The following CCDC120 variants were observed in gnomAD, a reference collection of about 807,000 sequenced individuals.
The protein encoded by CCDC120 is coiled-coil domain containing 120, also known as coiled-coil domain-containing protein 120.
A neutral mutation model predicts 37.6 loss-of-function variants in CCDC120; 16 were observed. The observed-to-expected ratio is 0.43, with a 90% confidence interval of 0.29 to 0.65. The LOEUF (loss-of-function observed/expected upper bound fraction) is 0.65. CCDC120 is among the 30% of genes least tolerant of loss of function. The pLI is 0.18. For missense variants in CCDC120, 650 were observed against 657.4 expected (o/e 0.99, Z 0.12); for synonymous variants, 309 against 275.4 (o/e 1.12, Z -1.21).
Position 49,068,272 on chromosome X carries a change from G to A in CCDC120, c.1976+182G>A, listed in dbSNP as rs781873733. 5 of 1,080,601 alleles carry A rather than the reference G, an allele frequency of 4.6e-6. No homozygotes were observed. In the East Asian group the frequency reaches 1.4e-4, roughly 30 times the overall value. The allele number at this position is 1,080,601 out of a possible 1,213,427, so 89.1% of individuals were successfully genotyped here. A position where few individuals can be genotyped will look rare whatever the true frequency, so the allele number is the denominator to read the frequency against. ...CATTAGTCCATGGGGTCCTGGTGGA[G>A]GGGATCTTGGGCACTGGTAGCAGCA... On this transcript the variant is annotated intron_variant, in intron 10 of 10. Coordinates refer to ENST00000603986, the MANE Select transcript of CCDC120 (RefSeq NM_001163321.4).
Position 49,068,553 on chromosome X carries a change from G to A in CCDC120, c.1986G>A (p.Ala662=), listed in dbSNP as rs1200953478. 23 of 1,139,927 alleles carry A rather than the reference G, an allele frequency of 2.0e-5. No homozygotes were observed. Among genetic ancestry groups the A allele is most frequent in the Admixed American group, 5.7e-5 (2 of 35,096 alleles). The allele number at this position is 1,139,927 out of a possible 1,213,427, so 93.9% of individuals were successfully genotyped here. Residue 662 remains alanine (A), a synonymous_variant, in exon 11 of 11, where the codon GCG becomes GCA. Transcript: ENST00000603986. ...GCTACCCCTTCTAAAGATACTACGC[G>A]GACTTCCTGTATCCCCCGGAGCTGA... ...TAPPVSGRYY[A]DFLYPPELSA... is the part of the protein sequence containing the mutation.
exon 1 of CCDC120, chrX:49,053,588 T>C (rs2064812479): frequency 8.8e-6 from 1 of 113,030 alleles, no homozygotes; most frequent in South Asian, 3.6e-4. Context: ...TAGGCTAGGC[T>C]GAGCGGCGGA....
intron 2 of CCDC120, 63 bp from the exon 3 acceptor site, chrX:49,062,172 A>T: frequency 8.5e-7 from 1 of 1,173,394 alleles, no homozygotes. Context: ...GAAGCTGGGA[A>T]GGGCTGGGGG....
chrX:49,058,416 C>T (rs2064846109), upstream of CCDC120, among the ~76,000 whole-genome samples: 1 of 112,648 alleles, frequency 8.9e-6, no homozygotes, highest in Admixed American at 9.3e-5. Context: ...CACTGCCTTG[C>T]CCTGGGAGGA....
chrX:49,061,906 G>T, intron 1 of CCDC120, 53 bp from the exon 2 acceptor site: 1 of 1,077,493 alleles, frequency 9.3e-7, no homozygotes, highest in Non-Finnish European at 1.2e-6. Flanking sequence ...TTGACTGCGT[G>T]TCCATTGTTG....
Position 49,065,832 on chromosome X carries a change from C to A in CCDC120, c.1048C>A (p.Pro350Thr). ...ATPVLTRGAG[P>T]QLCKPEGLHS... is the part of the protein sequence containing the mutation. ...CCCTGTCCTCACCCGGGGCGCTGGC[C>A]CCCAGCTCTGCAAGTAAGGGGAATC... is the stretch of plus-strand genomic sequence containing the variant. The change falls in exon 9 of 11, where the codon CCC becomes ACC. Residue 350 changes from proline to threonine, a missense_variant. By Grantham distance (38) the Pro-to-Thr change is conservative. Transcript: ENST00000603986. 3.4e-6 allele frequency: 4 copies of A among 1,165,936 alleles called. No individual in the cohort carries two copies. Among genetic ancestry groups the A allele is most frequent in the East Asian group, 3.2e-5 (1 of 30,821 alleles).
chrX:49,058,226 C>G (rs928236186), upstream of CCDC120, among the ~76,000 whole-genome samples: 1 of 111,953 alleles, frequency 8.9e-6, no homozygotes, highest in Non-Finnish European at 1.9e-5. Context: ...CAAGAGGGAT[C>G]AAAACCCATA....
Position 49,064,317 on chromosome X carries a change from C to T in CCDC120, c.430-53C>T, listed in dbSNP as rs1254814053. On this transcript the variant is annotated intron_variant, in intron 5 of 10. Coordinates refer to ENST00000603986, the MANE Select transcript of CCDC120 (RefSeq NM_001163321.4). ...GCAGGCCAGCCTCTACTGGGTTTGG[C>T]CCCGCCAGGTCCCTGTTCCTGGCCA... The T allele has an allele frequency of 7.2e-6, 8 of 1,108,453 alleles. No homozygotes were observed. In the African/African-American group the frequency reaches 9.2e-5, roughly 13 times the overall value. The allele number at this position is 1,108,453 out of a possible 1,213,427, so 91.3% of individuals were successfully genotyped here.
Position 49,068,806 on chromosome X carries a change from GC to G in CCDC120, c.*151del. 1 of 508,921 alleles carries G rather than the reference GC, an allele frequency of 2.0e-6. No individual in the cohort carries two copies. Among genetic ancestry groups the G allele is most frequent in the Non-Finnish European group, 2.8e-6 (1 of 360,127 alleles). 41.9% of individuals were successfully genotyped at this position (508,921 alleles called of 1,213,427 possible). On this transcript the variant is annotated 3_prime_UTR_variant, in exon 11 of 11. Transcript: ENST00000603986. ...TTCCAAGGCCCCTGGCTCCCCGTAGGCCCAGGAAGGTGTCTGACACCCTGCT... is the reference window on the plus strand; with the variant it reads ...TTCCAAGGCCCCTGGCTCCCCGTAGGCCAGGAAGGTGTCTGACACCCTGCT...
rs782672448 is a variant in CCDC120, at chrX:49,065,438, G to C, written c.788-16G>C. Reference sequence around the variant, plus strand: ...CCCCTCATTGAATTCTATCCCACTTGCTCTCTTCCACTCAGAGGAGCCCCA... The same window carrying C: ...CCCCTCATTGAATTCTATCCCACTTCCTCTCTTCCACTCAGAGGAGCCCCA... On this transcript the variant is annotated splice_polypyrimidine_tract_variant and intron_variant, in intron 7 of 10. Transcript: ENST00000603986. The C allele has an allele frequency of 8.5e-7, 1 of 1,170,987 alleles. No homozygotes were observed. Among genetic ancestry groups the C allele is most frequent in the Non-Finnish European group, 1.1e-6 (1 of 877,415 alleles).
intron 4 of CCDC120, among the ~76,000 whole-genome samples, chrX:49,063,156 T>C (rs1213463957): frequency 3.0e-5 from 3 of 101,238 alleles, no homozygotes; most frequent in African/African-American, 1.1e-4. Flanking sequence ...ATTGCGCCAC[T>C]GCACTCCAGC....
chrX:49,060,427 C>CAAAAAAAA lies in CCDC120; in HGVS notation c.-84+1353_-84+1360dup, dbSNP rs58827125. Among the ~76,000 whole-genome samples, 405 of 42,105 alleles carry CAAAAAAAA rather than the reference C, an allele frequency of 9.6e-3. 7 individuals carry two copies. The highest frequency in any genetic ancestry group is 0.022 in the East Asian group (13 of 585). 36.6% of individuals were successfully genotyped at this position (42,105 alleles called of 115,157 possible). On this transcript the variant is annotated intron_variant, in intron 1 of 10. Coordinates refer to ENST00000603986, the MANE Select transcript of CCDC120 (RefSeq NM_001163321.4). ...AAGTGACAGAGCCAGGCCCTATCTC[C>CAAAAAAAA]AAAAAAAAAAAAAAAAAAAAAAAAA...
intron 10 of CCDC120, 125 bp from the exon 11 acceptor site, chrX:49,068,419 T>A: frequency 9.6e-7 from 1 of 1,046,703 alleles, no homozygotes; most frequent in East Asian, 3.7e-5. Flanking sequence ...CTGAAAGTGC[T>A]GTCCTGTGCC....
chrX:49,068,638 A>G lies in CCDC120; in HGVS notation c.2071A>G (p.Thr691Ala), dbSNP rs1557082357. The G allele has an allele frequency of 3.5e-6, 4 of 1,144,978 alleles. No individual in the cohort carries two copies. Among genetic ancestry groups the G allele is most frequent in the Non-Finnish European group, 3.5e-6 (3 of 862,652 alleles). The allele number at this position is 1,144,978 out of a possible 1,213,427, so 94.4% of individuals were successfully genotyped here. ...GCAGTCCTCCAGTTCTGACACCCAG[A>G]CCCCGGGGACACTGGTCTGACCCCT... is the stretch of plus-strand genomic sequence containing the variant. ...GEQSSSSDTQ[T>A]PGTLV Residue 691 changes from threonine to alanine, a missense_variant, in exon 11 of 11, where the codon ACC (threonine) becomes GCC (alanine). By Grantham distance (58) the Thr-to-Ala change is moderately conservative. Around this residue, in one of 3 missense-constraint regions of CCDC120, gnomAD observed 576 missense variants for 565.3 expected, o/e 1.02. Coordinates refer to ENST00000603986, the MANE Select transcript of CCDC120 (RefSeq NM_001163321.4).
intron 2 of CCDC120, 41 bp from the exon 3 acceptor site, chrX:49,062,194 T>C: frequency 1.7e-6 from 2 of 1,186,096 alleles, no homozygotes; most frequent in Non-Finnish European, 2.3e-6. Flanking sequence ...TGGGGTATCA[T>C]GGGATGTGCT....
At chrX:49,062,127 G>A in intron 2 of CCDC120, 23 bp downstream of exon 2, 1 of 1,161,123 alleles carries the variant, frequency 8.6e-7, no homozygotes. Flanking sequence ...GGCACGTGGG[G>A]CCCAGGTTAC....
chrX:49,066,833 C>T (rs1275564912), intron 9 of CCDC120: 2 of 235,596 alleles, frequency 8.5e-6, no homozygotes, highest in Non-Finnish European at 1.5e-5. Context: ...TGAGAACGGC[C>T]TTAGCAGGGG....
chrX:49,062,494 C>A lies in CCDC120; in HGVS notation c.181C>A (p.Gln61Lys), dbSNP rs782816907. The change falls in exon 4 of 11, where the codon CAG (glutamine) becomes AAG (lysine). Residue 61 changes from glutamine (Q) to lysine (K), a missense_variant. By Grantham distance (53) the Gln-to-Lys change is moderately conservative. Transcript: ENST00000603986. ...PAALFGEAAP[Q>K]VKSERLRGLL... ...TGCCCTGTTCGGAGAGGCTGCCCCC[C>A]AGGTGAAGTCAGAGCGTCTGCGGGG... 11 of 1,212,099 alleles carry A rather than the reference C, an allele frequency of 9.1e-6. No homozygotes were observed. The East Asian group carries it at 3.0e-4, about 33-fold the overall frequency.
chrX:49,064,495 G>A lies in CCDC120; in HGVS notation c.555G>A (p.Gln185=). 1 of 1,185,692 alleles carries A rather than the reference G, an allele frequency of 8.4e-7. No homozygotes were observed. The highest frequency in any genetic ancestry group is 1.1e-6 in the Non-Finnish European group (1 of 882,741). Residue 185 remains glutamine, a synonymous_variant, in exon 6 of 11, where the codon CAG becomes CAA. Transcript: ENST00000603986. The part of the protein sequence containing the change: ...TEQRRRRRQV[Q]ADALRRLHEL... ...AGCGCCGGCGCCGGCGCCAGGTCCA[G>A]GCAGATGCACTGAGGAGGCTGCATG...
Sources: gnomAD v4.1 joint callset for allele counts (sites outside exome capture counted in the v4.1 genomes callset) on GRCh38, gnomAD v4.1.1 for gene constraint, gnomAD v4.1.1 regional missense constraint, MANE v1.5 for transcripts, NCBI Gene and HGNC (gene_info 2026-07-23, HGNC 2026-07-21) for gene names.